CEP112: variants seen among roughly 807,000 people sequenced by gnomAD.
CEP112 encodes the protein centrosomal protein 112.
CEP112 carries 127 observed loss-of-function variants against 153.0 expected under a neutral mutation model. The ratio of observed to expected loss-of-function variants is 0.83; its 90% CI spans 0.72 to 0.96. The LOEUF (loss-of-function observed/expected upper bound fraction) is 0.96. Ranked by LOEUF, CEP112 falls within the 40% of genes least tolerant of loss-of-function variation. The probability of loss-of-function intolerance (pLI) is 0.00; values close to 1 mark genes in which losing one functional copy is unlikely to be tolerated. For synonymous variants in CEP112, 358 were observed against 374.4 expected, an observed-to-expected ratio of 0.96 and a Z score of 0.51; for missense variants, 1,089 against 1,101.2, an observed-to-expected ratio of 0.99 and a Z score of 0.16.
intron 21 of CEP112, among the ~76,000 whole-genome samples, chr17:65,775,105 C>T (rs2053601174): frequency 6.6e-6 from 1 of 152,080 alleles, no homozygotes; most frequent in Non-Finnish European, 1.5e-5. Flanking sequence ...TCCTCCCAAG[C>T]TTGAAAATCA....
At chr17:66,145,105 A>G (rs781299325) in intron 4 of CEP112, among the ~76,000 whole-genome samples, 6 of 152,184 alleles carry the variant, frequency 3.9e-5, no homozygotes, top group Non-Finnish European at 7.4e-5. Flanking sequence ...ATGCAGTGGT[A>G]TCACACTGTG....
chr17:66,164,823 C>G (rs2071869754), intron 4 of CEP112, among the ~76,000 whole-genome samples: 1 of 151,354 alleles, frequency 6.6e-6, no homozygotes, highest in East Asian at 1.9e-4. Flanking sequence ...CCATTGCACT[C>G]CAGCCTGGGC....
At chr17:65,675,712 T>C (rs1466519802) in intron 24 of CEP112, among the ~76,000 whole-genome samples, 1 of 151,462 alleles carries the variant, frequency 6.6e-6, no homozygotes, top group Non-Finnish European at 1.5e-5. Flanking sequence ...CCAAAATCCA[T>C]CTACAGGTTA....
chr17:66,138,931 A>G (rs1021067647), intron 4 of CEP112, among the ~76,000 whole-genome samples: 2 of 152,142 alleles, frequency 1.3e-5, no homozygotes, highest in African/African-American at 2.4e-5. Flanking sequence ...ATCTTGAGAC[A>G]AATGAAAACA....
chr17:65,836,165 A>T (rs2057299240), intron 21 of CEP112, among the ~76,000 whole-genome samples: 1 of 152,240 alleles, frequency 6.6e-6, no homozygotes, highest in Non-Finnish European at 1.5e-5. Flanking sequence ...AATAGCATAG[A>T]ATCGAAACAT....
intron 18 of CEP112, among the ~76,000 whole-genome samples, chr17:65,930,339 A>C (rs1025109250): frequency 6.6e-6 from 1 of 152,270 alleles, no homozygotes; most frequent in Non-Finnish European, 1.5e-5. Context: ...TTAAGGTTCT[A>C]GGAACAAAGA....
At chr17:66,031,225 T>C (rs1477242958) in intron 12 of CEP112, among the ~76,000 whole-genome samples, 1 of 152,202 alleles carries the variant, frequency 6.6e-6, no homozygotes, top group African/African-American at 2.4e-5. Flanking sequence ...CTTTATGTCC[T>C]GCGTATTCAT....
intron 23 of CEP112, among the ~76,000 whole-genome samples, chr17:65,713,947 C>G (rs540778757): frequency 6.6e-6 from 1 of 152,226 alleles, no homozygotes; most frequent in Admixed American, 6.5e-5. Flanking sequence ...ACACCAAAGC[C>G]ACCTCTTCTC....
At chr17:66,099,571 GTT>G (rs1330049991) in intron 6 of CEP112, among the ~76,000 whole-genome samples, 1 of 150,502 alleles carries the variant, frequency 6.6e-6, no homozygotes, top group African/African-American at 2.4e-5. Context: ...GGCACCATTT[GTT>G]AAAGAAGTTA....
At chr17:65,897,630 A>T (rs1275149320) in intron 20 of CEP112, among the ~76,000 whole-genome samples, 1 of 152,132 alleles carries the variant, frequency 6.6e-6, no homozygotes, top group Non-Finnish European at 1.5e-5. Flanking sequence ...GACTTAAAAT[A>T]TACTTTCTTA....
At chr17:65,929,076 T>C (rs2061031953) in intron 18 of CEP112, among the ~76,000 whole-genome samples, 1 of 152,098 alleles carries the variant, frequency 6.6e-6, no homozygotes, top group African/African-American at 2.4e-5. Flanking sequence ...TGTTAAAGGG[T>C]ATGGTGTTTC....
At chr17:66,169,531 G>C (rs140713441) in intron 4 of CEP112, among the ~76,000 whole-genome samples, 1 of 151,938 alleles carries the variant, frequency 6.6e-6, no homozygotes, top group Admixed American at 6.6e-5. Context: ...TGATCCGCCC[G>C]CCCTGGCCTC....
intron 21 of CEP112, among the ~76,000 whole-genome samples, chr17:65,819,934 A>T (rs573165032): frequency 2.8e-4 from 42 of 152,206 alleles, no homozygotes; most frequent in African/African-American, 9.4e-4. Flanking sequence ...AATTAAAATA[A>T]GATTTGTAGT....
intron 23 of CEP112, among the ~76,000 whole-genome samples, chr17:65,690,425 C>CAAAAAAAAA (rs67648497): frequency 1.3e-5 from 1 of 76,682 alleles, no homozygotes; most frequent in African/African-American, 5.1e-5. Flanking sequence ...GACCCTGTCT[C>CAAAAAAAAA]AAAAAAAAAA....
chr17:66,128,665 CTTA>C (rs1297772235), intron 6 of CEP112, among the ~76,000 whole-genome samples: 6 of 152,088 alleles, frequency 3.9e-5, no homozygotes. Flanking sequence ...TAAAAAGATT[CTTA>C]TAAGGAATTT....
rs75333572 is a variant in CEP112, at chr17:66,024,511, T to C, written c.1656+2990A>G. On this transcript the variant is annotated intron_variant, in intron 16 of 26. Coordinates refer to ENST00000535342, the MANE Select transcript of CEP112 (RefSeq NM_001199165.4). ...TCAATGTATAAAAATCAGTAGTATT[T>C]CTATGTATCAAAAACAAGCTGAGAA... Among the ~76,000 whole-genome samples the C allele has an allele frequency of 6.9e-3, 1,047 of 152,124 alleles. 12 individuals carry two copies. The highest frequency in any genetic ancestry group is 0.023 in the African/African-American group (973 of 41,532).
At position 66,055,611 on chromosome 17, in the gene CEP112, G is replaced by A. The variant is rs568492869; in HGVS notation, c.1075-1732C>T. Among the ~76,000 whole-genome samples the A allele has an allele frequency of 2.6e-5, 4 of 152,212 alleles. No individual in the cohort carries two copies. The South Asian group carries it at 8.3e-4, about 32-fold the overall frequency. The stretch of plus-strand genomic sequence containing the variant: ...TTCCTCATGTTTAAGGTCTCCCAAA[G>A]CCCCTAGAACATATGCCTGCCGAAT... On this transcript the variant is annotated intron_variant, in intron 11 of 26. Transcript: ENST00000535342.
chr17:65,661,889 A>G (rs1000792769), intron 24 of CEP112: 1 of 152,120 alleles, frequency 6.6e-6, no homozygotes, highest in Non-Finnish European at 1.5e-5. Context: ...ATTGACATCT[A>G]TATTTTTTTT....
At chr17:65,845,649 G>C (rs2057701283) in intron 21 of CEP112, among the ~76,000 whole-genome samples, 1 of 152,094 alleles carries the variant, frequency 6.6e-6, no homozygotes. Flanking sequence ...TAAAACCATT[G>C]TCCAATTTAG....
Sources: allele counts gnomAD v4.1 joint callset (sites outside exome capture counted in the v4.1 genomes callset), GRCh38; gene constraint gnomAD v4.1.1; transcripts MANE v1.5; gene names NCBI Gene and HGNC (gene_info 2026-07-23, HGNC 2026-07-21).